DSCAM: variants seen among roughly 807,000 people sequenced by gnomAD.
DSCAM encodes the protein DS cell adhesion molecule.
A neutral mutation model predicts 217.7 loss-of-function variants in DSCAM; 47 were observed. The ratio of observed to expected loss-of-function variants is 0.22; its 90% CI spans 0.17 to 0.28. DSCAM has a LOEUF of 0.28. DSCAM is among the 10% of genes least tolerant of loss of function. The pLI, the probability that DSCAM is intolerant of heterozygous loss-of-function variation, is 1.00. For missense variants in DSCAM, 2,080 were observed against 2,618.3 expected (o/e 0.79, Z 4.49); for synonymous variants, 1,056 against 1,015.3 (o/e 1.04, Z -0.76).
intron 28 of DSCAM, among the ~76,000 whole-genome samples, chr21:40,058,517 T>C (rs182014364): frequency 2.0e-4 from 31 of 152,322 alleles, no homozygotes; most frequent in Non-Finnish European, 3.5e-4. Context: ...GAACAGTATA[T>C]GGCCAAAGTA....
At chr21:40,393,821 C>T (rs958568887) in intron 3 of DSCAM, among the ~76,000 whole-genome samples, 1 of 152,076 alleles carries the variant, frequency 6.6e-6, no homozygotes, top group Admixed American at 6.5e-5. Flanking sequence ...ATGAATGTTG[C>T]TAAATTATGA....
intron 21 of DSCAM, among the ~76,000 whole-genome samples, chr21:40,090,095 G>C (rs2146583684): frequency 6.6e-6 from 1 of 152,122 alleles, no homozygotes; most frequent in Middle Eastern, 3.4e-3. Context: ...CACCATCCAG[G>C]AACCCTGCAT....
chr21:40,252,386 C>T (rs1749004873), intron 11 of DSCAM, among the ~76,000 whole-genome samples: 1 of 151,994 alleles, frequency 6.6e-6, no homozygotes, highest in Non-Finnish European at 1.5e-5. Flanking sequence ...GAGTATCTGC[C>T]CATAGATATA....
At chr21:40,336,140 C>T (rs746511290) in intron 8 of DSCAM, among the ~76,000 whole-genome samples, 7 of 152,148 alleles carry the variant, frequency 4.6e-5, no homozygotes, top group South Asian at 4.1e-4. Context: ...CTGAGCAGCA[C>T]GGCTATTTTC....
chr21:40,074,018 A>T lies in DSCAM; in HGVS notation c.4888+1019T>A, dbSNP rs559782996. Among the ~76,000 whole-genome samples, 639 of 152,358 alleles carry T rather than the reference A, an allele frequency of 4.2e-3. 3 individuals are homozygous for T. The highest frequency in any genetic ancestry group is 0.014 in the African/African-American group (575 of 41,570). On this transcript the variant is annotated intron_variant, in intron 27 of 32. Transcript: ENST00000400454. ...TGATAGTGAAATGTACCAGAATTCC[A>T]TAAAAAGCAGTGCTTTGGTGCTTTG...
chr21:40,467,967 A>G (rs1351369681), intron 3 of DSCAM, among the ~76,000 whole-genome samples: 1 of 148,238 alleles, frequency 6.7e-6, no homozygotes, highest in Non-Finnish European at 1.5e-5. Flanking sequence ...TAGCTCCCTC[A>G]CAATTTGCCC....
In DSCAM at chr21:40,517,404, A is replaced by AACACACACACACACACACACACAC. The variant is rs3070750; in HGVS notation, c.509-148183_509-148160dup. On this transcript the variant is annotated intron_variant, in intron 3 of 32. Coordinates refer to ENST00000400454, the MANE Select transcript of DSCAM (RefSeq NM_001389.5). ...CACACATCTATACACACACACAAGC[A>AACACACACACACACACACACACAC]ACACACACACACACACACACACACA... Among the ~76,000 whole-genome samples the AACACACACACACACACACACACAC allele has an allele frequency of 9.7e-5, 14 of 144,678 alleles. 1 individual carries two copies. Among genetic ancestry groups the AACACACACACACACACACACACAC allele is most frequent in the South Asian group, 4.5e-4 (2 of 4,432 alleles). The allele number at this position is 144,678 out of a possible 152,430, so 94.9% of individuals were successfully genotyped here.
intron 3 of DSCAM, among the ~76,000 whole-genome samples, chr21:40,402,015 G>A (rs991283696): frequency 1.4e-5 from 2 of 144,408 alleles, no homozygotes; most frequent in Non-Finnish European, 3.0e-5. Flanking sequence ...ATTTCTAAAT[G>A]GTCAAGTAAA....
At position 40,448,716 on chromosome 21, in the gene DSCAM, A is replaced by G. The variant is rs141339477; in HGVS notation, c.509-79471T>C. 5.9e-3 allele frequency among the ~76,000 whole-genome samples: 897 copies of G among 152,246 alleles called. 10 individuals carry two copies. Among genetic ancestry groups the G allele is most frequent in the African/African-American group, 0.02 (837 of 41,534 alleles). ...TGGAGTACTTTAATGTATGCTGCAA[A>G]CAAAATCTATTTCTTTTGTTTTTAG... On this transcript the variant is annotated intron_variant, in intron 3 of 32. Transcript: ENST00000400454.
At chr21:40,748,127 T>C (rs2091192964) in intron 1 of DSCAM, among the ~76,000 whole-genome samples, 1 of 151,782 alleles carries the variant, frequency 6.6e-6, no homozygotes, top group Admixed American at 6.6e-5. Flanking sequence ...CAGGAAACAG[T>C]TGAAAACTTC....
chr21:40,525,973 C>T (rs1006866691), intron 3 of DSCAM, among the ~76,000 whole-genome samples: 14 of 151,890 alleles, frequency 9.2e-5, no homozygotes, highest in African/African-American at 3.2e-4. Flanking sequence ...TCGGGGGCCC[C>T]AGGTGGGACT....
rs531408973 is a variant in DSCAM at position 40,811,887 on chromosome 21, C to T, written c.43+34732G>A. ...TGGAAGTCAACTTTGGTGTCTGTTC[C>T]GGCCTTTCTCACTTCTTAGTGCCTT... On this transcript the variant is annotated intron_variant, in intron 1 of 32. Coordinates refer to ENST00000400454, the MANE Select transcript of DSCAM (RefSeq NM_001389.5). Among the ~76,000 whole-genome samples, 14 of 152,286 alleles carry T rather than the reference C, an allele frequency of 9.2e-5. No homozygotes were observed. In the South Asian group the frequency reaches 1.7e-3, roughly 18 times the overall value.
At position 40,794,912 on chromosome 21, in the gene DSCAM, A is replaced by G. The variant is rs1428833894; in HGVS notation, c.43+51707T>C. Among the ~76,000 whole-genome samples the G allele has an allele frequency of 1.1e-4, 15 of 141,320 alleles. No homozygotes were observed. In the Admixed American group the frequency reaches 1.1e-3, roughly 10 times the overall value. The allele number at this position is 141,320 out of a possible 152,430, so 92.7% of individuals were successfully genotyped here. Reference sequence around the variant, plus strand: ...TGAAAAAAAAAAAGTACCTCTTAGTAAAGTGAACAATTGCATCAACAAGGA... The same window carrying G: ...TGAAAAAAAAAAAGTACCTCTTAGTGAAGTGAACAATTGCATCAACAAGGA... On this transcript the variant is annotated intron_variant, in intron 1 of 32. Coordinates refer to ENST00000400454, the MANE Select transcript of DSCAM (RefSeq NM_001389.5).
intron 3 of DSCAM, among the ~76,000 whole-genome samples, chr21:40,564,735 G>T (rs556953072): frequency 1.3e-5 from 2 of 152,304 alleles, no homozygotes; most frequent in African/African-American, 4.8e-5. Flanking sequence ...GTCCTATTCT[G>T]CCAGTCAAGA....
chr21:40,441,726 CCA>C (rs1397106889), intron 3 of DSCAM, among the ~76,000 whole-genome samples: 1 of 152,122 alleles, frequency 6.6e-6, no homozygotes, highest in African/African-American at 2.4e-5. Context: ...TGGATGAACC[CCA>C]GACTTATTTC....
chr21:40,511,695 AC>A (rs879454668), intron 3 of DSCAM, among the ~76,000 whole-genome samples: 17 of 152,046 alleles, frequency 1.1e-4, no homozygotes, highest in Non-Finnish European at 2.4e-4. Context: ...TCACCAACCT[AC>A]AAAAAGTATT....
intron 3 of DSCAM, among the ~76,000 whole-genome samples, chr21:40,641,721 T>C (rs2089881117): frequency 6.6e-6 from 1 of 152,184 alleles, no homozygotes; most frequent in Non-Finnish European, 1.5e-5. Flanking sequence ...TACTCTGACA[T>C]GGAGAGCCTT....
intron 8 of DSCAM, among the ~76,000 whole-genome samples, chr21:40,336,990 G>A (rs963690701): frequency 9.9e-5 from 15 of 152,112 alleles, no homozygotes; most frequent in African/African-American, 2.4e-4. Flanking sequence ...ATTAAAAACC[G>A]ATTTATAATT....
rs62237611 is a variant in DSCAM at position 40,116,624 on chromosome 21, C to T, written c.3696+7571G>A. 8.5e-4 allele frequency among the ~76,000 whole-genome samples: 128 copies of T among 151,316 alleles called. 1 individual carries two copies. In the Middle Eastern group the frequency reaches 0.024, roughly 28 times the overall value. On this transcript the variant is annotated intron_variant, in intron 20 of 32. Coordinates refer to ENST00000400454, the MANE Select transcript of DSCAM (RefSeq NM_001389.5). ...TCATGTATATGATTCATTACATGTG[C>T]GTAAATGGAATACAATTGTCTATTT...
Sources: allele counts gnomAD v4.1 joint callset (sites outside exome capture counted in the v4.1 genomes callset), GRCh38; gene constraint gnomAD v4.1.1; transcripts MANE v1.5; gene names NCBI Gene and HGNC (gene_info 2026-07-23, HGNC 2026-07-21).